GRK5: variants seen among roughly 807,000 people sequenced by gnomAD.
GRK5 encodes the protein G protein-coupled receptor kinase 5.
In GRK5, 40 loss-of-function variants were observed where a neutral mutation model predicts 78.4. The ratio of observed to expected loss-of-function variants is 0.51; its 90% CI spans 0.40 to 0.66. The LOEUF is 0.66. Ranked by LOEUF, GRK5 falls within the 30% of genes least tolerant of loss-of-function variation. The pLI, the probability that GRK5 is intolerant of heterozygous loss-of-function variation, is 0.00. For missense variants in GRK5, 598 were observed against 759.9 expected, an observed-to-expected ratio of 0.79 and a Z score of 2.50; for synonymous variants, 289 against 296.8, an observed-to-expected ratio of 0.97 and a Z score of 0.27.
chr10:119,394,005 CT>C (rs1370946369), intron 3 of GRK5, among the ~76,000 whole-genome samples: 2 of 92,184 alleles, frequency 2.2e-5, no homozygotes, highest in African/African-American at 8.6e-5. Context: ...GTGTCTGGGT[CT>C]GGGGGGGTGC....
intron 3 of GRK5, among the ~76,000 whole-genome samples, chr10:119,381,421 G>C (rs1223226720): frequency 6.6e-6 from 1 of 152,236 alleles, no homozygotes; most frequent in African/African-American, 2.4e-5. Flanking sequence ...CAGAATCTAT[G>C]GGCACTCAAT....
At position 119,207,878 on chromosome 10, in the gene GRK5, AG is replaced by A. The variant is rs1330735083; in HGVS notation, c.-39del. ...CAGCGGCAGCACCCCAGGCGCTGAC[AG>A]CCCCGCCGGCCGGCTCCGTTGCTGA... is the stretch of plus-strand genomic sequence containing the variant. On this transcript the variant is annotated 5_prime_UTR_variant, in exon 1 of 16. Coordinates refer to ENST00000392870, the MANE Select transcript of GRK5 (RefSeq NM_005308.3). 3.2e-6 allele frequency: 5 copies of A among 1,570,030 alleles called. No individual in the cohort carries two copies. In the Admixed American group the frequency reaches 9.1e-5, roughly 29 times the overall value.
chr10:119,240,985 G>A (rs969612889), intron 1 of GRK5, among the ~76,000 whole-genome samples: 5 of 152,254 alleles, frequency 3.3e-5, no homozygotes, highest in South Asian at 4.1e-4. Context: ...CTCTGGGGTC[G>A]GAGCAGGCAG....
chr10:119,368,899 G>A (rs1046567555), intron 2 of GRK5, among the ~76,000 whole-genome samples: 2 of 152,226 alleles, frequency 1.3e-5, no homozygotes, highest in Non-Finnish European at 2.9e-5. Flanking sequence ...TTGGTTCAGG[G>A]AGGCCTTCAC....
At chr10:119,288,174 C>T (rs901473886) in intron 1 of GRK5, among the ~76,000 whole-genome samples, 4 of 152,354 alleles carry the variant, frequency 2.6e-5, no homozygotes, top group African/African-American at 9.6e-5. Context: ...CCCACCCTTT[C>T]TGCCTGCAGA....
intron 1 of GRK5, among the ~76,000 whole-genome samples, chr10:119,225,273 T>C (rs1848717210): frequency 1.3e-5 from 2 of 152,208 alleles, no homozygotes; most frequent in African/African-American, 4.8e-5. Context: ...TAATAAACTG[T>C]CTTCCTGGAA....
chr10:119,439,856 G>A, intron 10 of GRK5, 88 bp downstream of exon 10: 1 of 1,290,326 alleles, frequency 7.7e-7, no homozygotes, highest in African/African-American at 1.4e-5. Context: ...AGAGGGCTGG[G>A]GAAGCTGACC....
chr10:119,346,615 G>A (rs1413171974), intron 2 of GRK5, among the ~76,000 whole-genome samples: 1 of 152,192 alleles, frequency 6.6e-6, no homozygotes, highest in Non-Finnish European at 1.5e-5. Flanking sequence ...CATGTGGGCT[G>A]GAGCTGCAAG....
intron 4 of GRK5, among the ~76,000 whole-genome samples, chr10:119,409,983 C>A (rs1005809645): frequency 2.6e-5 from 4 of 152,212 alleles, no homozygotes; most frequent in African/African-American, 9.6e-5. Context: ...GCATGCAAAC[C>A]ACTGGCCAGG....
intron 1 of GRK5, among the ~76,000 whole-genome samples, chr10:119,306,278 C>A (rs1850270795): frequency 6.6e-6 from 1 of 152,174 alleles, no homozygotes; most frequent in South Asian, 2.1e-4. Flanking sequence ...GTCACTGTTT[C>A]CCCCGTTTTG....
At chr10:119,343,194 G>C (rs1851013420) in intron 2 of GRK5, among the ~76,000 whole-genome samples, 1 of 152,228 alleles carries the variant, frequency 6.6e-6, no homozygotes, top group Non-Finnish European at 1.5e-5. Context: ...TCAGTACTAA[G>C]AGCCCAAGGG....
intron 1 of GRK5, among the ~76,000 whole-genome samples, chr10:119,297,576 C>G (rs912760512): frequency 4.6e-5 from 7 of 152,224 alleles, no homozygotes; most frequent in Non-Finnish European, 8.8e-5. Context: ...GCCATGAGGG[C>G]TCTGCCATTA....
chr10:119,295,183 CA>C lies in GRK5; in HGVS notation c.53-31332del, dbSNP rs563058546. ...CCAGCCTGGGCGACAGAGCGAGACT[CA>C]GTCTCAAAAAAAAAAAAAAAAAAAA... is the stretch of plus-strand genomic sequence containing the variant. On this transcript the variant is annotated intron_variant, in intron 1 of 15. Coordinates refer to ENST00000392870, the MANE Select transcript of GRK5 (RefSeq NM_005308.3). Among the ~76,000 whole-genome samples, 85 of 80,264 alleles carry C rather than the reference CA, an allele frequency of 1.1e-3. 1 individual carries two copies. In the South Asian group the frequency reaches 0.044, roughly 41 times the overall value. The allele number at this position is 80,264 out of a possible 152,430, so 52.7% of individuals were successfully genotyped here.
rs372602377 is a variant in GRK5, at chr10:119,442,060, C to A, written c.1029C>A (p.Arg343=). The A allele has an allele frequency of 1.2e-6, 2 of 1,613,942 alleles. No homozygotes were observed. The highest frequency in any genetic ancestry group is 1.7e-6 in the Non-Finnish European group (2 of 1,179,900). The part of the protein sequence containing the change: ...AVKIPEGDLI[R]GRVGTVGYMA... The stretch of plus-strand genomic sequence containing the variant: ...AGATCCCCGAGGGAGACCTGATCCG[C>A]GGCCGGGTGGGCACTGTTGGCTACA... Residue 343 remains arginine, a synonymous_variant, in exon 11 of 16, where the codon CGC becomes CGA. Coordinates refer to ENST00000392870, the MANE Select transcript of GRK5 (RefSeq NM_005308.3).
chr10:119,261,056 C>T (rs1241091269), intron 1 of GRK5, among the ~76,000 whole-genome samples: 46 of 74,814 alleles, frequency 6.1e-4, no homozygotes, highest in Non-Finnish European at 1.1e-3. Flanking sequence ...ACCTCCCTCC[C>T]GGACGGGGCG....
intron 1 of GRK5, among the ~76,000 whole-genome samples, chr10:119,237,086 G>T (rs1488025307): frequency 8.6e-6 from 1 of 115,848 alleles, no homozygotes. Context: ...TTTTTGAGAC[G>T]GAGTCTCACT....
At chr10:119,245,357 G>T (rs1219454181) in intron 1 of GRK5, among the ~76,000 whole-genome samples, 6 of 152,066 alleles carry the variant, frequency 3.9e-5, no homozygotes, top group African/African-American at 9.7e-5. Flanking sequence ...CATAATAGCC[G>T]AGAGGTGGAA....
intron 4 of GRK5, among the ~76,000 whole-genome samples, chr10:119,415,063 C>T (rs546750582): frequency 5.2e-5 from 6 of 115,718 alleles, no homozygotes; most frequent in Non-Finnish European, 9.7e-5. Flanking sequence ...GCCTGGGTGA[C>T]AGAGTGAGAC....
At chr10:119,295,885 A>G (rs1177092538) in intron 1 of GRK5, among the ~76,000 whole-genome samples, 6 of 152,170 alleles carry the variant, frequency 3.9e-5, no homozygotes, top group South Asian at 2.1e-4. Flanking sequence ...GAATCTCACA[A>G]ATCACCACTA....
Sources: allele counts gnomAD v4.1 joint callset (sites outside exome capture counted in the v4.1 genomes callset), GRCh38; gene constraint gnomAD v4.1.1; transcripts MANE v1.5; gene names NCBI Gene and HGNC (gene_info 2026-07-23, HGNC 2026-07-21).